Variants in SHPK observed in about 807,000 individuals in gnomAD.
SHPK encodes carbohydrate kinase-like protein.
A neutral mutation model predicts 46.3 loss-of-function variants in SHPK; 51 were observed. The observed-to-expected ratio is 1.10, with a 90% CI of 0.88 to 1.39. The LOEUF (loss-of-function observed/expected upper bound fraction) is 1.39, where lower values mean the gene tolerates loss of function less well. SHPK is among the 40% of genes most tolerant of loss of function. The probability of loss-of-function intolerance (pLI) is 0.00; values close to 1 mark genes in which losing one functional copy is unlikely to be tolerated. For synonymous variants in SHPK, 290 were observed against 273.9 expected, an observed-to-expected ratio of 1.06 and a Z score of -0.58; for missense variants, 668 against 641.3, an observed-to-expected ratio of 1.04 and a Z score of -0.45.
chr17:3,633,271 G>A (rs1211336874), intron 1 of SHPK, among the ~76,000 whole-genome samples: 2 of 151,762 alleles, frequency 1.3e-5, no homozygotes, highest in Non-Finnish European at 2.9e-5. Flanking sequence ...AAGAGCCACC[G>A]CGCCCGGCCA....
chr17:3,625,863 G>A (rs1037314046), intron 2 of SHPK, among the ~76,000 whole-genome samples: 57 of 152,160 alleles, frequency 3.7e-4, no homozygotes, highest in Non-Finnish European at 7.8e-4. Flanking sequence ...GACCAGCCTG[G>A]ACAACATGGC....
chr17:3,619,314 CCA>C, intron 5 of SHPK: 1 of 1,034,974 alleles, frequency 9.7e-7, no homozygotes, highest in Non-Finnish European at 1.5e-6. Context: ...TTTGATCAGT[CCA>C]CCACAGTTAC....
At chr17:3,630,413 C>T (rs1260037784) in intron 1 of SHPK, 67 bp from the exon 2 acceptor site, 9 of 1,477,304 alleles carry the variant, frequency 6.1e-6, no homozygotes, top group East Asian at 4.7e-5. Flanking sequence ...GCAGGCCTCC[C>T]GGGATGTCCT....
At chr17:3,635,756 A>G (rs1424199613) in intron 1 of SHPK, among the ~76,000 whole-genome samples, 1 of 152,186 alleles carries the variant, frequency 6.6e-6, no homozygotes, top group Non-Finnish European at 1.5e-5. Context: ...CAGTTCCTCC[A>G]AGGTCAGGGG....
chr17:3,624,075 G>A lies in SHPK; in HGVS notation c.467C>T (p.Ala156Val). ...HLSVATGFGC[A>V]TIFWLLKYRP... ...ATATTTCAAAAGCCAGAAGATGGTT[G>A]CACAGCCGAAGCCCGTGGCCACACT... Residue 156 changes from alanine to valine, a missense_variant, in exon 3 of 7, where the codon GCA becomes GTA. Transcript: ENST00000225519. 6.2e-7 allele frequency: 1 copy of A among 1,609,702 alleles called. No homozygotes were observed.
intron 2 of SHPK, among the ~76,000 whole-genome samples, 174 bp downstream of exon 2, chr17:3,630,031 T>C (rs926038216): frequency 2.6e-5 from 4 of 152,062 alleles, no homozygotes; most frequent in African/African-American, 4.8e-5. Context: ...TCACCTAACA[T>C]TGGTACAGAA....
chr17:3,623,934 C>T, intron 3 of SHPK, 114 bp downstream of exon 3: 1 of 1,063,008 alleles, frequency 9.4e-7, no homozygotes, highest in Non-Finnish European at 1.4e-6. Context: ...CCTGTCCTGC[C>T]AGGACACACT....
At chr17:3,623,290 C>G in intron 4 of SHPK, 49 bp downstream of exon 4, 2 of 1,603,530 alleles carry the variant, frequency 1.2e-6, no homozygotes, top group African/African-American at 2.7e-5. Context: ...TCCGGGGTTG[C>G]CCTTCAGATT....
At chr17:3,624,281 C>T in intron 2 of SHPK, 50 bp from the exon 3 acceptor site, 2 of 1,544,180 alleles carry the variant, frequency 1.3e-6, no homozygotes, top group Non-Finnish European at 1.8e-6. Context: ...AATGACTAGG[C>T]ATGGCGCGGC....
chr17:3,615,108 A>G (rs1178721229), intron 6 of SHPK, among the ~76,000 whole-genome samples: 1 of 152,098 alleles, frequency 6.6e-6, no homozygotes, highest in East Asian at 1.9e-4. Flanking sequence ...AGGTTGGGGG[A>G]AGGGTGCCTG....
At chr17:3,623,549 C>CT in intron 3 of SHPK, 58 bp from the exon 4 acceptor site, 1 of 1,554,894 alleles carries the variant, frequency 6.4e-7, no homozygotes, top group Non-Finnish European at 8.9e-7. Flanking sequence ...AAGCATGTGC[C>CT]GCACCTAGCT....
Position 3,610,878 on chromosome 17 carries a change from C to A in SHPK, c.1119G>T (p.Leu373=), listed in dbSNP as rs943019386. The A allele has an allele frequency of 6.2e-7, 1 of 1,613,908 alleles. No homozygotes were observed. Among genetic ancestry groups the A allele is most frequent in the Non-Finnish European group, 8.5e-7 (1 of 1,180,024 alleles). Residue 373 remains leucine, a synonymous_variant, in exon 7 of 7, where the codon CTG becomes CTT. Transcript: ENST00000225519. The part of the protein sequence containing the change: ...DTHLTITPTV[L]GERHLPDQLA... Reference sequence around the variant, plus strand: ...GCTGGTCCGGCAGGTGCCTCTCCCCCAGCACTGTCGGGGTGATGGTCAGGT... The same window carrying A: ...GCTGGTCCGGCAGGTGCCTCTCCCCAAGCACTGTCGGGGTGATGGTCAGGT...
intron 2 of SHPK, among the ~76,000 whole-genome samples, chr17:3,626,602 G>C (rs983834753): frequency 6.6e-6 from 1 of 151,588 alleles, no homozygotes; most frequent in Non-Finnish European, 1.5e-5. Flanking sequence ...GGTACCTGTA[G>C]TCCCAGCTAC....
At position 3,610,753 on chromosome 17, in the gene SHPK, G is replaced by C. The variant is rs141579629; in HGVS notation, c.1244C>G (p.Pro415Arg). 4 of 1,614,078 alleles carry C rather than the reference G, an allele frequency of 2.5e-6. No homozygotes were observed. The highest frequency in any genetic ancestry group is 3.4e-6 in the Non-Finnish European group (4 of 1,179,982). The change falls in exon 7 of 7, where the codon CCG becomes CGG. Residue 415 changes from proline (P) to arginine (R), a missense_variant. Physicochemically the swap from Pro to Arg is moderately radical, Grantham distance 103 (BLOSUM62 -2). Transcript: ENST00000225519. Reference sequence around the variant, plus strand: ...GCCCCACTCCTGGAGCTGCTGAATCGGAAGCATGGAGTGCAGGTTCTGAAC... The same window carrying C: ...GCCCCACTCCTGGAGCTGCTGAATCCGAAGCATGGAGTGCAGGTTCTGAAC... ...GIVQNLHSMLPIQQLQEWGVE... is the reference protein window; with the variant it reads ...GIVQNLHSMLRIQQLQEWGVE...
At chr17:3,611,519 A>C (rs964483888) in intron 6 of SHPK, among the ~76,000 whole-genome samples, 1 of 152,192 alleles carries the variant, frequency 6.6e-6, no homozygotes, top group Non-Finnish European at 1.5e-5. Context: ...CAGTGAGCGG[A>C]GCTTGCACCA....
At chr17:3,635,926 G>A in intron 1 of SHPK, 126 bp downstream of exon 1, 1 of 961,322 alleles carries the variant, frequency 1.0e-6, no homozygotes, top group Non-Finnish European at 1.5e-6. Context: ...CGGGCCCCTG[G>A]AGAAGCTGGG....
At position 3,608,953 on chromosome 17, in the gene SHPK, G is replaced by A. The variant is rs1399219677; in HGVS notation, c.*1607C>T. On this transcript the variant is annotated 3_prime_UTR_variant, in exon 7 of 7. Coordinates refer to ENST00000225519, the MANE Select transcript of SHPK (RefSeq NM_013276.4). ...GTCACCCAGGCTGGAGTGCAATGGCGCGATCTCAGCTCACTGCAACCTCTG... is the reference window on the plus strand; with the variant it reads ...GTCACCCAGGCTGGAGTGCAATGGCACGATCTCAGCTCACTGCAACCTCTG... 2 of 152,272 alleles carry A rather than the reference G, an allele frequency of 1.3e-5. No individual in the cohort carries two copies. The highest frequency in any genetic ancestry group is 2.4e-5 in the African/African-American group (1 of 41,430). 9.4% of individuals were successfully genotyped at this position (152,272 alleles called of 1,614,324 possible).
intron 5 of SHPK, among the ~76,000 whole-genome samples, chr17:3,618,061 G>A (rs2075378733): frequency 6.6e-6 from 1 of 152,168 alleles, no homozygotes; most frequent in Non-Finnish European, 1.5e-5. Context: ...TAGGAGTCTG[G>A]TGCTACCATG....
intron 5 of SHPK, among the ~76,000 whole-genome samples, chr17:3,616,464 A>G (rs1320306481): frequency 1.3e-5 from 2 of 152,112 alleles, no homozygotes; most frequent in African/African-American, 4.8e-5. Flanking sequence ...AAGCCTTTGG[A>G]AGACTGCAGC....
Sources: allele counts gnomAD v4.1 joint callset (sites outside exome capture counted in the v4.1 genomes callset), GRCh38; gene constraint gnomAD v4.1.1; transcripts MANE v1.5; gene names NCBI Gene and HGNC (gene_info 2026-07-23, HGNC 2026-07-21).